The following EMP3 variants were observed in gnomAD, a reference collection of about 807,000 sequenced individuals.
EMP3 encodes the protein epithelial membrane protein 3 (MAM blood group).
Under a neutral mutation model 21.6 loss-of-function variants are expected in EMP3, and 15 were observed. That is an observed-to-expected ratio of 0.69 (90% CI 0.46 to 1.07). The LOEUF is 1.07. EMP3 is among the 50% of genes least tolerant of loss of function. EMP3 has a pLI of 0.00. For missense variants in EMP3, 183 were observed against 206.6 expected, an observed-to-expected ratio of 0.89 and a Z score of 0.70; for synonymous variants, 107 against 86.1, an observed-to-expected ratio of 1.24 and a Z score of -1.34.
Position 48,330,322 on chromosome 19 carries a change from C to T in EMP3, c.344C>T (p.Ala115Val). The T allele has an allele frequency of 6.3e-7, 1 of 1,595,446 alleles. No individual in the cohort carries two copies. The highest frequency in any genetic ancestry group is 8.5e-7 in the Non-Finnish European group (1 of 1,171,598). Reference protein sequence around the residue: ...LCTSVAVFTGALIYAIHAEEI... With the variant: ...LCTSVAVFTGVLIYAIHAEEI... ...GCAGGCGTGGCGGTGTTTACTGGCG[C>T]CTTGATCTATGCCATTCACGCCGAG... The change falls in exon 5 of 5, where the codon GCC becomes GTC. Residue 115 changes from alanine to valine, a missense_variant. Transcript: ENST00000270221.
chr19:48,329,506 C>G lies in EMP3; in HGVS notation c.322+14C>G, dbSNP rs780367364. On this transcript the variant is annotated intron_variant, in intron 4 of 4. Coordinates refer to ENST00000270221, the MANE Select transcript of EMP3 (RefSeq NM_001425.3). This position sits in a 1 kb window ranked among gnomAD's most constrained non-coding sequence, Gnocchi z 4.5. Reference sequence around the variant, plus strand: ...AGCTTTGCACCAGTGAGCACTGCCCCTCCCCAACCCTAATCCCCCAAGAAT... The same window carrying G: ...AGCTTTGCACCAGTGAGCACTGCCCGTCCCCAACCCTAATCCCCCAAGAAT... The G allele has an allele frequency of 6.2e-7, 1 of 1,613,926 alleles. No individual in the cohort carries two copies. The highest frequency in any genetic ancestry group is 1.7e-4 in the Middle Eastern group (1 of 6,056).
In EMP3 at chr19:48,329,409, CCTT is replaced by C. The variant is rs760570504; in HGVS notation, c.241_243del (p.Phe81del). The C allele has an allele frequency of 6.2e-7, 1 of 1,612,624 alleles. No homozygotes were observed. Among genetic ancestry groups the C allele is most frequent in the East Asian group, 2.2e-5 (1 of 44,774 alleles). Reference sequence around the variant, plus strand: ...CTCTCCCTCATTCTCTGCTGTCTCTCCTTCATCCTGTTCATGTTCCAGCTCTAC... The same window carrying C: ...CTCTCCCTCATTCTCTGCTGTCTCTCCATCCTGTTCATGTTCCAGCTCTAC... On this transcript the variant is annotated inframe_deletion, in exon 4 of 5. Coordinates refer to ENST00000270221, the MANE Select transcript of EMP3 (RefSeq NM_001425.3). This position sits in a 1 kb window ranked among gnomAD's most constrained non-coding sequence, Gnocchi z 4.5.
intron 2 of EMP3, 150 bp from the exon 3 acceptor site, chr19:48,327,371 C>A: frequency 1.6e-6 from 1 of 644,374 alleles, no homozygotes; most frequent in Non-Finnish European, 2.8e-6. Flanking sequence ...TGTCCTGACC[C>A]TACCCCCTCT....
chr19:48,326,742 G>A (rs183469149), intron 1 of EMP3, 88 bp from the exon 2 acceptor site: 10 of 1,081,440 alleles, frequency 9.2e-6, no homozygotes, highest in East Asian at 2.4e-5. Context: ...CTCCCGCCTC[G>A]GCCTCCCAAA....
At chr19:48,326,147 TC>T (rs1969119882) in intron 1 of EMP3, 1 of 151,672 alleles carries the variant, frequency 6.6e-6, no homozygotes, top group Admixed American at 6.6e-5. Context: ...ACTCACCAGG[TC>T]CCCCTCCTCC....
rs8102349 is a variant in EMP3, at chr19:48,329,297, A to G, written c.182-55A>G. On this transcript the variant is annotated intron_variant, in intron 3 of 4. Coordinates refer to ENST00000270221, the MANE Select transcript of EMP3 (RefSeq NM_001425.3). The surrounding 1 kb of genome is among the most constrained non-coding windows in gnomAD (Gnocchi z 4.5). ...GGGTCACATGGTGAGCAAGCAGGTG[A>G]AGCTGGAACTCTGGACCCACGGTGA... The G allele has an allele frequency of 0.5, 807,532 of 1,605,344 alleles. 205,884 individuals carry two copies. The highest frequency in any genetic ancestry group is 0.61 in the Middle Eastern group (3,681 of 6,002).
chr19:48,330,488 G>A lies in EMP3; in HGVS notation c.*18G>A, dbSNP rs761237549. The A allele has an allele frequency of 6.4e-7, 1 of 1,566,340 alleles. No homozygotes were observed. Among genetic ancestry groups the A allele is most frequent in the African/African-American group, 1.4e-5 (1 of 71,986 alleles). On this transcript the variant is annotated 3_prime_UTR_variant, in exon 5 of 5. Coordinates refer to ENST00000270221, the MANE Select transcript of EMP3 (RefSeq NM_001425.3). Reference sequence around the variant, plus strand: ...GGGAGTGAGCGCCCCGCCTCGCTCGGCTGCCCCCGCCCCTTCCCGGCCCCC... The same window carrying A: ...GGGAGTGAGCGCCCCGCCTCGCTCGACTGCCCCCGCCCCTTCCCGGCCCCC...
At chr19:48,325,823 A>G (rs1404451669) in intron 1 of EMP3, among the ~76,000 whole-genome samples, 1 of 152,032 alleles carries the variant, frequency 6.6e-6, no homozygotes, top group African/African-American at 2.4e-5. Flanking sequence ...CTCCACTGGA[A>G]AACTTCCTGC....
intron 3 of EMP3, among the ~76,000 whole-genome samples, chr19:48,327,966 C>A (rs577329954): frequency 2.0e-5 from 3 of 152,144 alleles, no homozygotes; most frequent in Admixed American, 6.5e-5. Flanking sequence ...TGCCACCACG[C>A]CTGGCTAATT....
chr19:48,326,276 G>A (rs1969121328), intron 1 of EMP3, among the ~76,000 whole-genome samples: 3 of 152,084 alleles, frequency 2.0e-5, no homozygotes, highest in South Asian at 4.1e-4. Context: ...TATCTGGCCT[G>A]TATGTAACCC....
chr19:48,327,548 T>C lies in EMP3; in HGVS notation c.106T>C (p.Ser36Pro), dbSNP rs1362466296. The C allele has an allele frequency of 1.9e-6, 3 of 1,613,332 alleles. No homozygotes were observed. In the African/African-American group the frequency reaches 4.0e-5, roughly 22 times the overall value. The change falls in exon 3 of 5, where the codon TCC becomes CCC. Residue 36 changes from serine (S) to proline (P), a missense_variant. Physicochemically the swap from Ser to Pro is moderately conservative, Grantham distance 74. Transcript: ENST00000270221. The part of the protein sequence containing the change: ...KSWWTLPGKE[S>P]LNLWYDCTWN... ...CTGGTGGACTCTCCCTGGGAAAGAG[T>C]CCCTGAATCTCTGGTACGACTGCAC...
Position 48,330,332 on chromosome 19 carries a change from T to A in EMP3, c.354T>A (p.Tyr118Ter). The change falls in exon 5 of 5, where the codon TAT becomes TAA. Residue 118 changes from tyrosine (Y) to a stop codon, truncating the protein, a stop_gained. Coordinates refer to ENST00000270221, the MANE Select transcript of EMP3 (RefSeq NM_001425.3). LOFTEE classifies it high-confidence loss of function. ...CGGTGTTTACTGGCGCCTTGATCTA[T>A]GCCATTCACGCCGAGGAGATCCTGG... is the stretch of plus-strand genomic sequence containing the variant. Reference protein sequence around the residue: ...SVAVFTGALIYAIHAEEILEK... With the variant: ...SVAVFTGALI 1 of 1,605,450 alleles carries A rather than the reference T, an allele frequency of 6.2e-7. No homozygotes were observed. Among genetic ancestry groups the A allele is most frequent in the Non-Finnish European group, 8.5e-7 (1 of 1,176,328 alleles).
At chr19:48,327,024 CT>C in intron 2 of EMP3, 102 bp downstream of exon 2, 2 of 1,013,522 alleles carry the variant, frequency 2.0e-6, no homozygotes, top group Non-Finnish European at 3.1e-6. Flanking sequence ...CCTAGTATTT[CT>C]TTTTTATTTT....
rs78590775 is a variant in EMP3 at position 48,330,341 on chromosome 19, C to T, written c.363C>T (p.His121=). 75 of 1,606,038 alleles carry T rather than the reference C, an allele frequency of 4.7e-5. No homozygotes were observed. In the African/African-American group the frequency reaches 9.0e-4, roughly 19 times the overall value. ...CTGGCGCCTTGATCTATGCCATTCA[C>T]GCCGAGGAGATCCTGGAGAAGCACC... is the stretch of plus-strand genomic sequence containing the variant. ...VFTGALIYAI[H]AEEILEKHPR... The change falls in exon 5 of 5, where the codon CAC becomes CAT. Residue 121 remains histidine, a synonymous_variant. Coordinates refer to ENST00000270221, the MANE Select transcript of EMP3 (RefSeq NM_001425.3).
intron 3 of EMP3, among the ~76,000 whole-genome samples, chr19:48,328,427 A>G: frequency 6.6e-6 from 1 of 151,536 alleles, no homozygotes; most frequent in Non-Finnish European, 1.5e-5. Context: ...AAAAAAAAAA[A>G]AAAAAGAATA....
In EMP3 at chr19:48,329,146, G is replaced by A. The variant is rs909663833; in HGVS notation, c.182-206G>A. On this transcript the variant is annotated intron_variant, in intron 3 of 4. Transcript: ENST00000270221. This position sits in a 1 kb window ranked among gnomAD's most constrained non-coding sequence, Gnocchi z 4.5. ...CAGAAAAAAAAGAAAAAGGAAATTG[G>A]CAAAGCAACTACTAGAACTGAGAAG... is the stretch of plus-strand genomic sequence containing the variant. The A allele has an allele frequency of 3.3e-6, 2 of 602,318 alleles. No homozygotes were observed. The highest frequency in any genetic ancestry group is 3.8e-5 in the African/African-American group (2 of 52,996). 37.3% of individuals were successfully genotyped at this position (602,318 alleles called of 1,614,324 possible).
intron 3 of EMP3, chr19:48,327,879 C>A: frequency 2.2e-6 from 1 of 451,312 alleles, no homozygotes; most frequent in South Asian, 2.4e-5. Context: ...GCAATCTTGG[C>A]TCACTGCAAC....
intron 1 of EMP3, chr19:48,325,928 C>T (rs1969115175): frequency 6.6e-6 from 1 of 152,248 alleles, no homozygotes; most frequent in Non-Finnish European, 1.5e-5. Flanking sequence ...TCTAGGTCCC[C>T]TGTTCCTGGG....
rs1969179146 is a variant in EMP3 at position 48,329,855 on chromosome 19, T to A, written c.322+363T>A. The stretch of plus-strand genomic sequence containing the variant: ...CTCAGTAGAGAGCTCTAAATCATAA[T>A]AATAATGGTATTTATATCAGCCAAC... On this transcript the variant is annotated intron_variant, in intron 4 of 4. Transcript: ENST00000270221. The surrounding 1 kb of genome is among the most constrained non-coding windows in gnomAD (Gnocchi z 4.5). Among the ~76,000 whole-genome samples the A allele has an allele frequency of 6.6e-6, 1 of 152,188 alleles. No individual in the cohort carries two copies. The highest frequency in any genetic ancestry group is 2.4e-5 in the African/African-American group (1 of 41,424).
Sources: gnomAD v4.1 joint callset for allele counts (sites outside exome capture counted in the v4.1 genomes callset) on GRCh38, gnomAD v4.1.1 for gene constraint, Gnocchi (gnomAD v3.1) non-coding constraint, MANE v1.5 for transcripts, NCBI Gene and HGNC (gene_info 2026-07-23, HGNC 2026-07-21) for gene names.